ADGRV1: variants seen among roughly 807,000 people sequenced by gnomAD.
The protein encoded by ADGRV1 is G-protein coupled receptor 98.
ADGRV1 carries 359 observed loss-of-function variants against 596.2 expected under a neutral mutation model. The ratio of observed to expected loss-of-function variants is 0.60; its 90% CI spans 0.55 to 0.66. The LOEUF (loss-of-function observed/expected upper bound fraction) is 0.66, where lower values mean the gene tolerates loss of function less well. Ranked by LOEUF, ADGRV1 falls within the 30% of genes least tolerant of loss-of-function variation. The pLI is 0.00. For synonymous variants in ADGRV1, 2,681 were observed against 2,679.2 expected, an observed-to-expected ratio of 1.00 and a Z score of -0.02; for missense variants, 7,274 against 7,575.6, an observed-to-expected ratio of 0.96 and a Z score of 1.48.
chr5:90,757,832 T>C (rs1407753638), intron 57 of ADGRV1, among the ~76,000 whole-genome samples: 4 of 152,136 alleles, frequency 2.6e-5, no homozygotes, highest in Admixed American at 6.5e-5. Flanking sequence ...ACCATGAAAA[T>C]GTTAGTAACT....
chr5:90,976,304 G>A (rs867107818), intron 84 of ADGRV1, among the ~76,000 whole-genome samples: 11,281 of 118,306 alleles, frequency 0.095, 509 homozygotes, highest in Middle Eastern at 0.15. Flanking sequence ...GTATATGTGT[G>A]TGTGTGTGTG....
intron 2 of ADGRV1, chr5:90,617,207 GAA>G (rs1763471978): frequency 6.6e-6 from 1 of 151,982 alleles, no homozygotes; most frequent in Admixed American, 6.6e-5. Flanking sequence ...CAAGAGCAGA[GAA>G]AAAAATTCAC....
rs746166893 is a variant in ADGRV1, at chr5:90,637,678, G to C, written c.2017-47G>C. ...CAATACCAAAGCTTATATAATTTCT[G>C]AACATATATTTTAGAAGAAATTGTT... is the stretch of plus-strand genomic sequence containing the variant. On this transcript the variant is annotated intron_variant, in intron 10 of 89. Coordinates refer to ENST00000405460, the MANE Select transcript of ADGRV1 (RefSeq NM_032119.4). The C allele has an allele frequency of 3.8e-6, 5 of 1,325,506 alleles. No homozygotes were observed. In the East Asian group the frequency reaches 1.2e-4, roughly 33 times the overall value. The allele number at this position is 1,325,506 out of a possible 1,614,324, so 82.1% of individuals were successfully genotyped here.
intron 83 of ADGRV1, among the ~76,000 whole-genome samples, chr5:90,935,868 C>T (rs1775641213): frequency 6.6e-6 from 1 of 152,118 alleles, no homozygotes; most frequent in Non-Finnish European, 1.5e-5. Context: ...GTCCCAGCTA[C>T]CCAGGAGGCT....
intron 85 of ADGRV1, among the ~76,000 whole-genome samples, chr5:91,064,746 A>G (rs1166332090): frequency 6.6e-6 from 1 of 152,212 alleles, no homozygotes; most frequent in Admixed American, 6.5e-5. Flanking sequence ...TTCCTACCTT[A>G]CAACTGTTTA....
At position 90,807,714 on chromosome 5, in the gene ADGRV1, T is replaced by A. The variant is rs1762036997; in HGVS notation, c.14949T>A (p.Ser4983Arg). ...FVLHLSGVQS[S>R]APGGAQLRSG... The stretch of plus-strand genomic sequence containing the variant: ...TTCACCTATCAGGAGTGCAGAGCAG[T>A]GCTCCTGGCGGAGCTCAACTCCGGT... The change falls in exon 73 of 90, where the codon AGT (serine) becomes AGA (arginine). Residue 4983 changes from serine to arginine, a missense_variant. Physicochemically the swap from Ser to Arg is moderately radical, Grantham distance 110 (BLOSUM62 -1). Coordinates refer to ENST00000405460, the MANE Select transcript of ADGRV1 (RefSeq NM_032119.4). 6.4e-7 allele frequency: 1 copy of A among 1,571,680 alleles called. No homozygotes were observed. Among genetic ancestry groups the A allele is most frequent in the Admixed American group, 1.8e-5 (1 of 57,058 alleles).
chr5:90,631,898 C>T (rs1438329820), intron 9 of ADGRV1, among the ~76,000 whole-genome samples: 1 of 152,114 alleles, frequency 6.6e-6, no homozygotes, highest in East Asian at 1.9e-4. Flanking sequence ...TATACAAAAA[C>T]ATGACATAAT....
chr5:90,944,868 G>A (rs557824937), intron 83 of ADGRV1, among the ~76,000 whole-genome samples: 10 of 152,218 alleles, frequency 6.6e-5, no homozygotes, highest in Non-Finnish European at 8.8e-5. Flanking sequence ...TAATTTTATT[G>A]CTGAGAAAAT....
rs374346827 is a variant in ADGRV1 at position 90,705,403 on chromosome 5, T to C, written c.8390T>C (p.Val2797Ala). The C allele has an allele frequency of 5.6e-6, 9 of 1,613,108 alleles. No homozygotes were observed. The highest frequency in any genetic ancestry group is 6.8e-6 in the Non-Finnish European group (8 of 1,179,514). Residue 2797 changes from valine (V) to alanine (A), a missense_variant, in exon 37 of 90, where the codon GTT (valine) becomes GCT (alanine). By Grantham distance (64) the Val-to-Ala change is moderately conservative. Coordinates refer to ENST00000405460, the MANE Select transcript of ADGRV1 (RefSeq NM_032119.4). ...GATTCCTGCCTGACATTTTTAGGAG[T>C]TCCACCAGCCGGAATCGCCCTGCTT... Reference protein sequence around the residue: ...VILYDVRTQGVPPAGIALLDA... With the variant: ...VILYDVRTQGAPPAGIALLDA...
rs1762089952 is a variant in ADGRV1 at position 90,808,190 on chromosome 5, A to G, written c.14972+453A>G. On this transcript the variant is annotated intron_variant, in intron 73 of 89. Coordinates refer to ENST00000405460, the MANE Select transcript of ADGRV1 (RefSeq NM_032119.4). ...TATTGAATTTTACTATGTATCTATA[A>G]TGACTGTTTCTGCAAATACAGTATA... Among the ~76,000 whole-genome samples, 3 of 152,202 alleles carry G rather than the reference A, an allele frequency of 2.0e-5. No individual in the cohort carries two copies. In the South Asian group the frequency reaches 6.2e-4, roughly 32 times the overall value.
chr5:90,964,827 A>G (rs1343098652), intron 83 of ADGRV1, among the ~76,000 whole-genome samples: 2 of 152,074 alleles, frequency 1.3e-5, no homozygotes, highest in East Asian at 1.9e-4. Flanking sequence ...AGTTAGGGGA[A>G]TTATGTGTGT....
chr5:90,606,372 G>T (rs1053768554), intron 1 of ADGRV1, among the ~76,000 whole-genome samples: 1 of 152,080 alleles, frequency 6.6e-6, no homozygotes, highest in Non-Finnish European at 1.5e-5. Context: ...ATGTCTTGAG[G>T]GTCATTGTAT....
chr5:90,714,181 C>T (rs1226604347), intron 42 of ADGRV1, among the ~76,000 whole-genome samples: 2 of 151,862 alleles, frequency 1.3e-5, no homozygotes, highest in Non-Finnish European at 2.9e-5. Context: ...TTTTATATGC[C>T]ATTTCTAATG....
chr5:91,153,193 CTTT>C, intron 88 of ADGRV1, 25 bp from the exon 89 acceptor site: 1 of 1,574,496 alleles, frequency 6.4e-7, no homozygotes, highest in South Asian at 1.2e-5. Context: ...ATTATGGTTT[CTTT>C]TTCCCCCCAT....
chr5:90,787,930 G>C (rs1389474005), intron 67 of ADGRV1, 141 bp from the exon 68 acceptor site: 1 of 572,916 alleles, frequency 1.7e-6, no homozygotes, highest in East Asian at 3.1e-5. Flanking sequence ...ACAAGTTTAT[G>C]AAACAGGAAT....
chr5:90,810,042 C>T (rs925852137), intron 73 of ADGRV1, among the ~76,000 whole-genome samples, 191 bp from the exon 74 acceptor site: 2 of 152,188 alleles, frequency 1.3e-5, no homozygotes, highest in African/African-American at 4.8e-5. Context: ...CCTGCTTTTG[C>T]AGCTCCTGTT....
chr5:90,706,368 G>A lies in ADGRV1; in HGVS notation c.8704G>A (p.Ala2902Thr), dbSNP rs1202837374. Residue 2902 changes from alanine to threonine, a missense_variant, in exon 38 of 90, where the codon GCA becomes ACA. Ala to Thr is a moderately conservative substitution (Grantham distance 58, BLOSUM62 0). This residue lies in a region of ADGRV1 where 3,643 missense variants were observed against 3,809.2 expected (regional missense o/e 0.96). Transcript: ENST00000405460. ...FLILEEGETA[A>T]AINITILEDD... ...GATTTTAGAAGAAGGGGAAACAGCA[G>A]CAGCCATCAACATTACCATTCTTGA... 1.2e-6 allele frequency: 2 copies of A among 1,609,692 alleles called. No individual in the cohort carries two copies. Among genetic ancestry groups the A allele is most frequent in the Admixed American group, 1.7e-5 (1 of 59,582 alleles).
chr5:90,677,545 TTA>T (rs1744391393), intron 25 of ADGRV1, among the ~76,000 whole-genome samples: 1 of 152,194 alleles, frequency 6.6e-6, no homozygotes, highest in African/African-American at 2.4e-5. Context: ...CTAAAAATCC[TTA>T]TGTAATAGAA....
At chr5:90,938,432 T>C (rs1454056321) in intron 83 of ADGRV1, among the ~76,000 whole-genome samples, 1 of 152,216 alleles carries the variant, frequency 6.6e-6, no homozygotes, top group Admixed American at 6.5e-5. Context: ...TTGAAAAGTA[T>C]GGTTTTTTGG....
Sources: gnomAD v4.1 joint callset for allele counts (sites outside exome capture counted in the v4.1 genomes callset) on GRCh38, gnomAD v4.1.1 for gene constraint, gnomAD v4.1.1 regional missense constraint, MANE v1.5 for transcripts, NCBI Gene and HGNC (gene_info 2026-07-23, HGNC 2026-07-21) for gene names.